MAP3K8: variants seen among roughly 807,000 people sequenced by gnomAD.
The protein encoded by MAP3K8 is mitogen-activated protein kinase kinase kinase 8.
Under a neutral mutation model 45.8 loss-of-function variants are expected in MAP3K8, and 22 were observed. The ratio of observed to expected loss-of-function variants is 0.48; its 90% CI spans 0.34 to 0.69. MAP3K8 has a LOEUF of 0.69. MAP3K8 is among the 30% of genes least tolerant of loss of function. The pLI is 0.01. For synonymous variants in MAP3K8, 223 were observed against 214.3 expected (o/e 1.04, Z -0.36); for missense variants, 419 against 585.0 (o/e 0.72, Z 2.93).
chr10:30,445,404 C>T (rs182054822), intron 3 of MAP3K8, among the ~76,000 whole-genome samples: 3 of 152,128 alleles, frequency 2.0e-5, no homozygotes, highest in African/African-American at 4.8e-5. Flanking sequence ...GGCGAGACTC[C>T]GTCTCCAAAT....
At chr10:30,438,569 G>A (rs767628540) in intron 2 of MAP3K8, among the ~76,000 whole-genome samples, 5 of 152,168 alleles carry the variant, frequency 3.3e-5, no homozygotes, top group African/African-American at 7.2e-5. Flanking sequence ...CTAAAGAGCC[G>A]GTAGCCTAAG....
chr10:30,452,543 G>T (rs1836586257), intron 6 of MAP3K8, among the ~76,000 whole-genome samples: 1 of 151,900 alleles, frequency 6.6e-6, no homozygotes, highest in African/African-American at 2.4e-5. Flanking sequence ...TGAGGTAGGA[G>T]GATTGCTTGA....
intron 6 of MAP3K8, 116 bp downstream of exon 6, chr10:30,451,860 A>G: frequency 1.8e-6 from 1 of 545,868 alleles, no homozygotes; most frequent in Non-Finnish European, 3.2e-6. Context: ...ACTGCATTAA[A>G]TCATTATTTT....
intron 7 of MAP3K8, among the ~76,000 whole-genome samples, chr10:30,458,781 G>T (rs1836833815): frequency 6.6e-6 from 1 of 152,138 alleles, no homozygotes; most frequent in Non-Finnish European, 1.5e-5. Flanking sequence ...GTATCCTTTA[G>T]AAATTAAAGT....
chr10:30,437,825 A>G (rs779382961), intron 2 of MAP3K8, among the ~76,000 whole-genome samples: 4 of 152,184 alleles, frequency 2.6e-5, no homozygotes, highest in Non-Finnish European at 5.9e-5. Context: ...CAGAACTTGA[A>G]ATACCTTTCA....
At position 30,437,350 on chromosome 10, in the gene MAP3K8, C is replaced by G; in HGVS notation, c.-80C>G. ...CAGCTTATTTACCATGCCCCTGACA[C>G]TGCACTGAGCACTTTATGAGCTTGA... On this transcript the variant is annotated 5_prime_UTR_variant, in exon 2 of 9. Transcript: ENST00000263056. 1.0e-6 allele frequency: 1 copy of G among 974,012 alleles called. No homozygotes were observed. Among genetic ancestry groups the G allele is most frequent in the Non-Finnish European group, 1.2e-6 (1 of 819,430 alleles). 60.3% of individuals were successfully genotyped at this position (974,012 alleles called of 1,614,324 possible). A position where few individuals can be genotyped will look rare whatever the true frequency, so the allele number is the denominator to read the frequency against.
intron 6 of MAP3K8, among the ~76,000 whole-genome samples, chr10:30,453,914 G>GAGAA (rs1836638596): frequency 1.6e-5 from 1 of 60,734 alleles, no homozygotes; most frequent in Non-Finnish European, 3.5e-5. Flanking sequence ...GAGGGAGAGA[G>GAGAA]AGAAGGAAGG....
At chr10:30,442,042 G>A (rs1470140795) in intron 3 of MAP3K8, among the ~76,000 whole-genome samples, 2 of 152,204 alleles carry the variant, frequency 1.3e-5, no homozygotes, top group African/African-American at 4.8e-5. Flanking sequence ...TAGGGATGGG[G>A]AAACTTTCAT....
intron 1 of MAP3K8, among the ~76,000 whole-genome samples, chr10:30,436,055 G>A (rs576580783): frequency 1.1e-4 from 16 of 152,264 alleles, no homozygotes; most frequent in Non-Finnish European, 2.2e-4. Flanking sequence ...ATAATTCAGT[G>A]TAACTAATTT....
chr10:30,455,310 A>G (rs1263219306), intron 6 of MAP3K8, among the ~76,000 whole-genome samples: 1 of 152,240 alleles, frequency 6.6e-6, no homozygotes, highest in Non-Finnish European at 1.5e-5. Flanking sequence ...TTAAAGAGCC[A>G]GGAGATCTAA....
rs111530310 is a variant in MAP3K8 at position 30,458,270 on chromosome 10, G to GGA, written c.1026+35_1026+36insAG. ...GGTTCAACCAGGGCTGGGGGCGGCG[G>GGA]GGGGGGGCGTTGAGTTATGCATCCC... On this transcript the variant is annotated intron_variant, in intron 7 of 8. Transcript: ENST00000263056. The GGA allele has an allele frequency of 1.7e-5, 23 of 1,367,054 alleles. 2 individuals are homozygous for GGA. Among genetic ancestry groups the GGA allele is most frequent in the South Asian group, 6.5e-5 (4 of 61,286 alleles). 84.7% of individuals were successfully genotyped at this position (1,367,054 alleles called of 1,614,324 possible).
intron 3 of MAP3K8, among the ~76,000 whole-genome samples, chr10:30,441,639 A>G (rs1836113643): frequency 6.6e-6 from 1 of 152,176 alleles, no homozygotes; most frequent in Admixed American, 6.5e-5. Context: ...TCGCTAGGCA[A>G]ATCGACCCAG....
chr10:30,438,881 TA>T, intron 2 of MAP3K8, 34 bp from the exon 3 acceptor site: 1 of 1,188,900 alleles, frequency 8.4e-7, no homozygotes, highest in South Asian at 1.5e-5. Context: ...CAAATACAAA[TA>T]TCGTAAACTA....
At chr10:30,440,086 T>G (rs1019248447) in intron 3 of MAP3K8, among the ~76,000 whole-genome samples, 1 of 152,256 alleles carries the variant, frequency 6.6e-6, no homozygotes, top group South Asian at 2.1e-4. Flanking sequence ...GCAAGTGATA[T>G]ATTTGCTTAA....
intron 8 of MAP3K8, 119 bp downstream of exon 8, chr10:30,459,620 T>A: frequency 8.4e-7 from 1 of 1,188,202 alleles, no homozygotes; most frequent in Non-Finnish European, 1.2e-6. Flanking sequence ...TTGAGTACCA[T>A]ACCTTGCTTG....
At chr10:30,441,435 G>T (rs935550738) in intron 3 of MAP3K8, among the ~76,000 whole-genome samples, 6 of 152,174 alleles carry the variant, frequency 3.9e-5, no homozygotes, top group African/African-American at 1.4e-4. Flanking sequence ...GGGATTATAG[G>T]CGTGAGCCAC....
intron 3 of MAP3K8, 44 bp downstream of exon 3, chr10:30,439,318 C>T (rs762932289): frequency 6.2e-7 from 1 of 1,606,298 alleles, no homozygotes; most frequent in South Asian, 1.1e-5. Context: ...GCTCAGCTTT[C>T]CTACTGCAGC....
chr10:30,439,118 T>C lies in MAP3K8; in HGVS notation c.180T>C (p.Ser60=), dbSNP rs1836009769. ...CQDSNQNDER[S]KSLLLSGQEV... ...ACAGTAATCAAAACGATGAGCGTTC[T>C]AAGTCTCTGCTGCTTAGTGGCCAAG... Residue 60 remains serine, a synonymous_variant, in exon 3 of 9, where the codon TCT becomes TCC. Coordinates refer to ENST00000263056, the MANE Select transcript of MAP3K8 (RefSeq NM_005204.4). 1.2e-6 allele frequency: 2 copies of C among 1,614,134 alleles called. No individual in the cohort carries two copies. The highest frequency in any genetic ancestry group is 1.3e-5 in the African/African-American group (1 of 74,946).
At chr10:30,445,124 A>G (rs1836270977) in intron 3 of MAP3K8, among the ~76,000 whole-genome samples, 2 of 152,182 alleles carry the variant, frequency 1.3e-5, no homozygotes, top group African/African-American at 4.8e-5. Context: ...GGCCAGGCAC[A>G]GGTGGCTCAC....
Sources: gnomAD v4.1 joint callset for allele counts (sites outside exome capture counted in the v4.1 genomes callset) on GRCh38, gnomAD v4.1.1 for gene constraint, MANE v1.5 for transcripts, NCBI Gene and HGNC (gene_info 2026-07-23, HGNC 2026-07-21) for gene names.